ARHGAP44: variants seen among roughly 807,000 people sequenced by gnomAD.
The protein encoded by ARHGAP44 is Rho GTPase activating protein 44, also known as rho GTPase-activating protein 44.
Under a neutral mutation model 106.8 loss-of-function variants are expected in ARHGAP44, and 43 were observed. That is an observed-to-expected ratio of 0.40 (90% CI 0.32 to 0.52). The LOEUF (loss-of-function observed/expected upper bound fraction) is 0.52, where lower values mean the gene tolerates loss of function less well. Among genes scored for constraint, ARHGAP44 ranks in the 20% least tolerant of loss-of-function variants. The probability of loss-of-function intolerance (pLI) is 0.48; values close to 1 mark genes in which losing one functional copy is unlikely to be tolerated. For synonymous variants in ARHGAP44, 439 were observed against 410.3 expected (o/e 1.07, Z -0.85); for missense variants, 866 against 1,050.5 (o/e 0.82, Z 2.43).
chr17:12,875,841 G>A (rs2036539464), intron 1 of ARHGAP44, among the ~76,000 whole-genome samples: 2 of 152,208 alleles, frequency 1.3e-5, no homozygotes, highest in African/African-American at 2.4e-5. Flanking sequence ...CTACTGGGGA[G>A]GCTGAGGCAG....
intron 7 of ARHGAP44, among the ~76,000 whole-genome samples, chr17:12,938,109 A>G (rs2038601799): frequency 6.6e-6 from 1 of 152,160 alleles, no homozygotes; most frequent in Non-Finnish European, 1.5e-5. Flanking sequence ...CCATAAAATC[A>G]TGAGCTATTC....
At chr17:12,838,700 C>T (rs1416192470) in intron 1 of ARHGAP44, among the ~76,000 whole-genome samples, 4 of 152,122 alleles carry the variant, frequency 2.6e-5, no homozygotes, top group Non-Finnish European at 5.9e-5. Flanking sequence ...GAGGGAGTTT[C>T]ACTCTTGCTG....
At chr17:12,906,215 T>C (rs1383538927) in intron 3 of ARHGAP44, among the ~76,000 whole-genome samples, 1 of 152,180 alleles carries the variant, frequency 6.6e-6, no homozygotes, top group Non-Finnish European at 1.5e-5. Context: ...ACAGACTCTG[T>C]TTGTCTACAC....
At chr17:12,926,614 T>C (rs1293159155) in intron 6 of ARHGAP44, among the ~76,000 whole-genome samples, 1 of 149,590 alleles carries the variant, frequency 6.7e-6, no homozygotes, top group East Asian at 1.9e-4. Flanking sequence ...TTTTAAAGCA[T>C]CAAGATACTG....
chr17:12,878,281 G>A (rs2036619053), intron 1 of ARHGAP44, among the ~76,000 whole-genome samples: 1 of 151,822 alleles, frequency 6.6e-6, no homozygotes, highest in South Asian at 2.1e-4. Flanking sequence ...CAAATTTTGG[G>A]AAACGCTGCC....
intron 18 of ARHGAP44, among the ~76,000 whole-genome samples, chr17:12,977,533 A>G (rs1337134251): frequency 6.6e-6 from 1 of 151,982 alleles, no homozygotes; most frequent in Non-Finnish European, 1.5e-5. Flanking sequence ...GCTAACCCCA[A>G]AATTCTCCTT....
chr17:12,789,653 G>GGCGGGAGGAGTAGGCGGCGGCGCC lies in ARHGAP44; in HGVS notation c.-185_-162dup, dbSNP rs2033667349. 1 of 372,494 alleles carries GGCGGGAGGAGTAGGCGGCGGCGCC rather than the reference G, an allele frequency of 2.7e-6. No homozygotes were observed. Among genetic ancestry groups the GGCGGGAGGAGTAGGCGGCGGCGCC allele is most frequent in the African/African-American group, 2.1e-5 (1 of 47,052 alleles). 23.1% of individuals were successfully genotyped at this position (372,494 alleles called of 1,614,324 possible). Reference sequence around the variant, plus strand: ...AGGGGGATGCGGCAGGAGGCGGCGCGGCGGGAGGAGTAGGCGGCGGCGCCC... The same window carrying GGCGGGAGGAGTAGGCGGCGGCGCC: ...AGGGGGATGCGGCAGGAGGCGGCGCGGCGGGAGGAGTAGGCGGCGGCGCCGCGGGAGGAGTAGGCGGCGGCGCCC... On this transcript the variant is annotated 5_prime_UTR_variant, in exon 1 of 21. Coordinates refer to ENST00000379672, the MANE Select transcript of ARHGAP44 (RefSeq NM_014859.6).
chr17:12,839,986 C>A (rs1185001123), intron 1 of ARHGAP44, among the ~76,000 whole-genome samples: 3 of 152,164 alleles, frequency 2.0e-5, no homozygotes, highest in Non-Finnish European at 4.4e-5. Flanking sequence ...GATACAGCCC[C>A]CTTCAGCTCT....
chr17:12,927,471 TCA>T (rs1208982777), intron 6 of ARHGAP44, among the ~76,000 whole-genome samples: 10 of 152,218 alleles, frequency 6.6e-5, no homozygotes, highest in Non-Finnish European at 1.3e-4. Context: ...TGTCCTCGCA[TCA>T]GAGGCTGCAG....
intron 17 of ARHGAP44, 149 bp downstream of exon 17, chr17:12,973,468 G>C: frequency 2.5e-6 from 2 of 789,900 alleles, no homozygotes; most frequent in Non-Finnish European, 4.1e-6. Flanking sequence ...CATTAAAATA[G>C]AATCAGAGCC....
chr17:12,854,043 C>G (rs1015685416), intron 1 of ARHGAP44, among the ~76,000 whole-genome samples: 5 of 152,140 alleles, frequency 3.3e-5, no homozygotes, highest in Non-Finnish European at 7.4e-5. Flanking sequence ...GGCAGGCTGC[C>G]TTGTGGCTTG....
At chr17:12,857,627 G>A (rs2035948928) in intron 1 of ARHGAP44, among the ~76,000 whole-genome samples, 1 of 152,172 alleles carries the variant, frequency 6.6e-6, no homozygotes, top group African/African-American at 2.4e-5. Flanking sequence ...GCCTTCCCAT[G>A]CAGTTGTCCT....
In ARHGAP44 at chr17:12,789,815, G is replaced by A. The variant is rs771658813; in HGVS notation, c.-24G>A. 9 of 1,499,814 alleles carry A rather than the reference G, an allele frequency of 6.0e-6. No homozygotes were observed. In the South Asian group the frequency reaches 7.6e-5, roughly 13 times the overall value. The allele number at this position is 1,499,814 out of a possible 1,614,324, so 92.9% of individuals were successfully genotyped here. A position where few individuals can be genotyped will look rare whatever the true frequency, so the allele number is the denominator to read the frequency against. Reference sequence around the variant, plus strand: ...CTGCTCCGTCCTTCCCCAGCTCCCGGGCTAGCGCGGCAGCGGGGCCACGAT... The same window carrying A: ...CTGCTCCGTCCTTCCCCAGCTCCCGAGCTAGCGCGGCAGCGGGGCCACGAT... On this transcript the variant is annotated 5_prime_UTR_variant, in exon 1 of 21. Coordinates refer to ENST00000379672, the MANE Select transcript of ARHGAP44 (RefSeq NM_014859.6).
intron 1 of ARHGAP44, among the ~76,000 whole-genome samples, chr17:12,843,955 C>T (rs555744045): frequency 6.6e-6 from 1 of 152,156 alleles, no homozygotes; most frequent in Admixed American, 6.5e-5. Context: ...CCATGCCTGG[C>T]CTACTTTTTG....
intron 7 of ARHGAP44, 100 bp downstream of exon 7, chr17:12,929,146 GCT>G: frequency 8.8e-7 from 1 of 1,138,494 alleles, no homozygotes; most frequent in Non-Finnish European, 1.3e-6. Flanking sequence ...TGTCAGTGAG[GCT>G]CTAGTTGAAC....
chr17:12,925,309 C>G (rs1313609322), intron 6 of ARHGAP44, among the ~76,000 whole-genome samples: 2 of 152,156 alleles, frequency 1.3e-5, no homozygotes, highest in African/African-American at 2.4e-5. Context: ...ATCAGAGGCC[C>G]TCACCTGGGC....
chr17:12,806,685 G>C (rs1422169201), intron 1 of ARHGAP44, among the ~76,000 whole-genome samples: 1 of 152,210 alleles, frequency 6.6e-6, no homozygotes, highest in Non-Finnish European at 1.5e-5. Context: ...TCACTTGCTA[G>C]TTGTAAAACC....
intron 3 of ARHGAP44, among the ~76,000 whole-genome samples, chr17:12,899,945 C>G (rs1334000248): frequency 1.3e-5 from 2 of 152,052 alleles, no homozygotes; most frequent in African/African-American, 4.8e-5. Flanking sequence ...AAAAGTTTTG[C>G]CCTGAAAGCT....
At chr17:12,812,837 A>C (rs73288396) in intron 1 of ARHGAP44, among the ~76,000 whole-genome samples, 9,740 of 152,080 alleles carry the variant, frequency 0.064, 900 homozygotes, top group African/African-American at 0.21. Flanking sequence ...TAAACAAGCT[A>C]CTCTTTGAAC....
Sources: gnomAD v4.1 joint callset for allele counts (sites outside exome capture counted in the v4.1 genomes callset) on GRCh38, gnomAD v4.1.1 for gene constraint, MANE v1.5 for transcripts, NCBI Gene and HGNC (gene_info 2026-07-23, HGNC 2026-07-21) for gene names.